MPZL1: variants seen among roughly 807,000 people sequenced by gnomAD.
The protein encoded by MPZL1 is myelin protein zero like 1, also known as myelin protein zero-like protein 1.
A neutral mutation model predicts 29.3 loss-of-function variants in MPZL1; 16 were observed. The ratio of observed to expected loss-of-function variants is 0.55; its 90% CI spans 0.37 to 0.83. The LOEUF is 0.83. MPZL1 is among the 40% of genes least tolerant of loss of function. The pLI, the probability that MPZL1 is intolerant of heterozygous loss-of-function variation, is 0.00. For synonymous variants in MPZL1, 143 were observed against 132.0 expected, an observed-to-expected ratio of 1.08 and a Z score of -0.57; for missense variants, 279 against 332.9, an observed-to-expected ratio of 0.84 and a Z score of 1.26.
chr1:167,782,894 C>T (rs915463863), intron 5 of MPZL1, among the ~76,000 whole-genome samples: 1 of 152,204 alleles, frequency 6.6e-6, no homozygotes, highest in Non-Finnish European at 1.5e-5. Flanking sequence ...GACAGATTCT[C>T]TCCTAGAACC....
chr1:167,770,294 A>G (rs774570657), intron 2 of MPZL1, among the ~76,000 whole-genome samples: 1 of 152,248 alleles, frequency 6.6e-6, no homozygotes, highest in Non-Finnish European at 1.5e-5. Flanking sequence ...TCCATTAACC[A>G]GAACAAAGAC....
chr1:167,738,170 CG>C (rs1193655927), intron 1 of MPZL1, among the ~76,000 whole-genome samples: 2 of 152,080 alleles, frequency 1.3e-5, no homozygotes, highest in African/African-American at 4.8e-5. Flanking sequence ...GTGATCCGCC[CG>C]CCTCGGCCTC....
At chr1:167,747,125 C>T (rs914279028) in intron 1 of MPZL1, among the ~76,000 whole-genome samples, 3 of 152,216 alleles carry the variant, frequency 2.0e-5, no homozygotes, top group Non-Finnish European at 2.9e-5. Flanking sequence ...TTTTAACACT[C>T]ATTACCATTT....
chr1:167,766,536 T>C (rs149913897), intron 2 of MPZL1, among the ~76,000 whole-genome samples: 15 of 152,362 alleles, frequency 9.8e-5, no homozygotes, highest in African/African-American at 3.6e-4. Context: ...TCTCCCAGCA[T>C]GTGGAATGCC....
intron 2 of MPZL1, chr1:167,765,963 C>A: frequency 2.9e-6 from 1 of 344,384 alleles, no homozygotes; most frequent in South Asian, 1.0e-4. Context: ...TTCCTCTCCA[C>A]CATCAAATCC....
chr1:167,750,382 A>G (rs1196505987), intron 1 of MPZL1, among the ~76,000 whole-genome samples: 2 of 152,038 alleles, frequency 1.3e-5, no homozygotes, highest in Non-Finnish European at 2.9e-5. Flanking sequence ...TTGTATTTTT[A>G]GTAGAGACAG....
At position 167,772,440 on chromosome 1, in the gene MPZL1, G is replaced by A. The variant is rs773963632; in HGVS notation, c.424G>A (p.Asp142Asn). The part of the protein sequence containing the change: ...TYICDVKNPP[D>N]IVVQPGHIRL... The stretch of plus-strand genomic sequence containing the variant: ...TATCTGTGATGTCAAAAACCCTCCT[G>A]ACATCGTTGTCCAGCCTGGACACAT... Residue 142 changes from aspartate to asparagine, a missense_variant, in exon 3 of 6, where the codon GAC becomes AAC. Physicochemically the swap from Asp to Asn is conservative, Grantham distance 23. Transcript: ENST00000359523. The A allele has an allele frequency of 6.2e-7, 1 of 1,614,000 alleles. No individual in the cohort carries two copies. Among genetic ancestry groups the A allele is most frequent in the Non-Finnish European group, 8.5e-7 (1 of 1,180,016 alleles).
intron 1 of MPZL1, among the ~76,000 whole-genome samples, chr1:167,762,268 C>T (rs984919204): frequency 2.0e-5 from 3 of 152,164 alleles, no homozygotes; most frequent in Admixed American, 2.0e-4. Context: ...AAAGGATTGT[C>T]TGTGGCAGTT....
intron 5 of MPZL1, among the ~76,000 whole-genome samples, chr1:167,777,740 C>T (rs1467181667): frequency 6.6e-6 from 1 of 152,252 alleles, no homozygotes; most frequent in East Asian, 1.9e-4. Flanking sequence ...GGTGCTCACA[C>T]AGGTGAGGGA....
chr1:167,759,753 G>C (rs541094906), intron 1 of MPZL1, among the ~76,000 whole-genome samples: 7 of 152,264 alleles, frequency 4.6e-5, no homozygotes, highest in East Asian at 1.9e-4. Context: ...TCATGGCATC[G>C]TGATTTCCTG....
At chr1:167,764,740 G>A (rs1344805457) in intron 1 of MPZL1, among the ~76,000 whole-genome samples, 1 of 152,072 alleles carries the variant, frequency 6.6e-6, no homozygotes, top group Admixed American at 6.5e-5. Flanking sequence ...AAGCCACCAA[G>A]AAGTCCTTCA....
intron 1 of MPZL1, among the ~76,000 whole-genome samples, chr1:167,730,619 C>A (rs1186274267): frequency 6.6e-6 from 1 of 152,168 alleles, no homozygotes; most frequent in Admixed American, 6.5e-5. Flanking sequence ...ACCTCTCCCG[C>A]TATCAAGAGC....
intron 1 of MPZL1, among the ~76,000 whole-genome samples, chr1:167,737,034 C>A (rs1660391151): frequency 6.6e-6 from 1 of 152,192 alleles, no homozygotes; most frequent in Admixed American, 6.5e-5. Flanking sequence ...ATTTACCTGG[C>A]TAACTCCTAT....
At chr1:167,772,983 C>T (rs865850951) in intron 3 of MPZL1, among the ~76,000 whole-genome samples, 1 of 152,118 alleles carries the variant, frequency 6.6e-6, no homozygotes, top group South Asian at 2.1e-4. Context: ...TTCACACCTC[C>T]GGTTTTTCTT....
chr1:167,771,614 C>T (rs1372214399), intron 2 of MPZL1, among the ~76,000 whole-genome samples: 3 of 151,538 alleles, frequency 2.0e-5, no homozygotes, highest in Admixed American at 6.6e-5. Flanking sequence ...GGGTGGTGGC[C>T]GGGCAGAGGC....
chr1:167,741,928 G>T (rs1571142611), intron 1 of MPZL1, among the ~76,000 whole-genome samples: 1 of 152,178 alleles, frequency 6.6e-6, no homozygotes, highest in East Asian at 1.9e-4. Context: ...AGCTACTCAG[G>T]AGGCTGAAGT....
At chr1:167,732,645 C>G (rs1017925921) in intron 1 of MPZL1, among the ~76,000 whole-genome samples, 3 of 152,092 alleles carry the variant, frequency 2.0e-5, no homozygotes, top group Non-Finnish European at 2.9e-5. Flanking sequence ...TGAGATGAGT[C>G]TAGCTCTGTT....
intron 2 of MPZL1, among the ~76,000 whole-genome samples, chr1:167,769,247 G>A (rs1216901536): frequency 6.6e-6 from 1 of 152,178 alleles, no homozygotes; most frequent in Non-Finnish European, 1.5e-5. Flanking sequence ...GGCACTGGCT[G>A]CCTTTGTTCT....
intron 5 of MPZL1, among the ~76,000 whole-genome samples, chr1:167,784,585 A>T: frequency 6.6e-6 from 1 of 152,186 alleles, no homozygotes; most frequent in East Asian, 1.9e-4. Flanking sequence ...TGTTCCATAG[A>T]GACTCAGGGC....
Sources: allele counts gnomAD v4.1 joint callset (sites outside exome capture counted in the v4.1 genomes callset), GRCh38; gene constraint gnomAD v4.1.1; transcripts MANE v1.5; gene names NCBI Gene and HGNC (gene_info 2026-07-23, HGNC 2026-07-21).